Variants in DZIP3 observed in about 807,000 individuals in gnomAD.
The protein encoded by DZIP3 is E3 ubiquitin-protein ligase DZIP3.
A neutral mutation model predicts 162.0 loss-of-function variants in DZIP3; 118 were observed. That is an observed-to-expected ratio of 0.73 (90% CI 0.63 to 0.85). The LOEUF (loss-of-function observed/expected upper bound fraction) is 0.85, where lower values mean the gene tolerates loss of function less well. Among genes scored for constraint, DZIP3 ranks in the 40% least tolerant of loss-of-function variants. The probability of loss-of-function intolerance (pLI) is 0.00; values close to 1 mark genes in which losing one functional copy is unlikely to be tolerated. For synonymous variants in DZIP3, 438 were observed against 458.6 expected (o/e 0.96, Z 0.57); for missense variants, 1,331 against 1,407.0 (o/e 0.95, Z 0.86).
chr3:108,674,229 C>T (rs1944020839), intron 24 of DZIP3, 48 bp downstream of exon 24: 2 of 1,454,436 alleles, frequency 1.4e-6, no homozygotes, highest in East Asian at 4.5e-5. Context: ...GAGATGTTAG[C>T]AAGTGTCTCC....
chr3:108,636,717 C>A lies in DZIP3; in HGVS notation c.1011+9C>A. The A allele has an allele frequency of 1.3e-6, 2 of 1,483,050 alleles. No individual in the cohort carries two copies. The highest frequency in any genetic ancestry group is 1.3e-5 in the South Asian group (1 of 77,846). 91.9% of individuals were successfully genotyped at this position (1,483,050 alleles called of 1,614,324 possible). A position where few individuals can be genotyped will look rare whatever the true frequency, so the allele number is the denominator to read the frequency against. Reference sequence around the variant, plus strand: ...GAATTGTTAAAATTTTGGTGAGTATCTTGTTTTGTCCTTTTTTTTTTTTCT... The same window carrying A: ...GAATTGTTAAAATTTTGGTGAGTATATTGTTTTGTCCTTTTTTTTTTTTCT... On this transcript the variant is annotated intron_variant, in intron 11 of 32. Transcript: ENST00000361582.
intron 32 of DZIP3, among the ~76,000 whole-genome samples, chr3:108,692,027 A>T (rs1428807289): frequency 6.6e-6 from 1 of 152,116 alleles, no homozygotes; most frequent in Non-Finnish European, 1.5e-5. Context: ...TGTCCGCATA[A>T]ATAAGCTCTT....
chr3:108,599,638 C>T (rs1939891711), intron 1 of DZIP3, among the ~76,000 whole-genome samples: 1 of 152,062 alleles, frequency 6.6e-6, no homozygotes, highest in Admixed American at 6.6e-5. Context: ...GTTTGTGTCC[C>T]CCCTCATTCA....
At chr3:108,616,406 A>ATTT in intron 4 of DZIP3, 135 bp from the exon 5 acceptor site, 10 of 440,534 alleles carry the variant, frequency 2.3e-5, no homozygotes, top group East Asian at 9.1e-5. Flanking sequence ...GTTGGTATGG[A>ATTT]TTTTTTTTTT....
At chr3:108,628,147 G>C (rs191666220) in intron 7 of DZIP3, among the ~76,000 whole-genome samples, 2 of 152,294 alleles carry the variant, frequency 1.3e-5, no homozygotes, top group African/African-American at 2.4e-5. Flanking sequence ...AGAGTGCTGG[G>C]ATTACAGGCA....
intron 21 of DZIP3, 58 bp downstream of exon 21, chr3:108,662,315 A>G: frequency 6.6e-7 from 1 of 1,525,594 alleles, no homozygotes; most frequent in South Asian, 1.4e-5. Flanking sequence ...AGTATCTTTA[A>G]TAGTTAATCT....
chr3:108,673,780 A>T (rs1944006541), intron 23 of DZIP3, among the ~76,000 whole-genome samples: 1 of 151,956 alleles, frequency 6.6e-6, no homozygotes, highest in African/African-American at 2.4e-5. Flanking sequence ...AAATTAGAAT[A>T]TCTGGGACCA....
chr3:108,626,233 A>G (rs1428131580), intron 7 of DZIP3, among the ~76,000 whole-genome samples: 1 of 152,228 alleles, frequency 6.6e-6, no homozygotes, highest in African/African-American at 2.4e-5. Context: ...GGGTTCAGCT[A>G]CATTTTTTAT....
intron 28 of DZIP3, among the ~76,000 whole-genome samples, chr3:108,686,944 G>A (rs566785339): frequency 6.6e-6 from 1 of 152,088 alleles, no homozygotes; most frequent in South Asian, 2.1e-4. Context: ...TGCTATATAA[G>A]CCCAAACATC....
At position 108,644,473 on chromosome 3, in the gene DZIP3, A is replaced by C; in HGVS notation, c.1451A>C (p.Lys484Thr). Reference sequence around the variant, plus strand: ...CATTTAAATGTGTTCCCTGCACCCAAAAAAGGATGGAATATGGAACCGCCA... The same window carrying C: ...CATTTAAATGTGTTCCCTGCACCCACAAAAGGATGGAATATGGAACCGCCA... ...IKHLNVFPAP[K>T]KGWNMEPPSS... Residue 484 changes from lysine to threonine, a missense_variant, in exon 14 of 33, where the codon AAA (lysine) becomes ACA (threonine). By Grantham distance (78) the Lys-to-Thr change is moderately conservative. Transcript: ENST00000361582. 1.2e-6 allele frequency: 2 copies of C among 1,614,050 alleles called. No individual in the cohort carries two copies.
At chr3:108,653,503 GTGTGTATATA>G (rs1445263774) in intron 18 of DZIP3, among the ~76,000 whole-genome samples, 2 of 20,032 alleles carry the variant, frequency 1.0e-4, no homozygotes, top group African/African-American at 1.9e-4. Context: ...CATTGTGTGT[GTGTGTATATA>G]TATATATATA....
chr3:108,601,494 TTAG>T (rs1940015219), intron 1 of DZIP3, among the ~76,000 whole-genome samples: 1 of 152,220 alleles, frequency 6.6e-6, no homozygotes, highest in Non-Finnish European at 1.5e-5. Flanking sequence ...TTGTTTTAAG[TTAG>T]TAGCGTGGAG....
chr3:108,653,377 T>G (rs1197884685), intron 18 of DZIP3, among the ~76,000 whole-genome samples: 2 of 151,506 alleles, frequency 1.3e-5, no homozygotes, highest in East Asian at 3.9e-4. Context: ...CTCCTATTCT[T>G]GTTGCCATTC....
rs550278457 is a variant in DZIP3 at position 108,621,448 on chromosome 3, T to C, written c.376-2996T>C. On this transcript the variant is annotated intron_variant, in intron 5 of 32. Transcript: ENST00000361582. ...ATCCTTTGTATTACAACAATCCATT[T>C]ATACTGTTTCTTATTTTAAAATGTA... Among the ~76,000 whole-genome samples the C allele has an allele frequency of 1.2e-4, 19 of 152,346 alleles. 1 individual carries two copies. Among genetic ancestry groups the C allele is most frequent in the Admixed American group, 6.5e-4 (10 of 15,304 alleles).
intron 3 of DZIP3, 27 bp downstream of exon 3, chr3:108,608,185 CTG>C: frequency 6.7e-7 from 1 of 1,499,290 alleles, no homozygotes; most frequent in Non-Finnish European, 9.1e-7. Context: ...TTTTCATTAA[CTG>C]TTAGTTAATT....
At chr3:108,592,065 C>G (rs1283164477) in intron 1 of DZIP3, among the ~76,000 whole-genome samples, 1 of 151,886 alleles carries the variant, frequency 6.6e-6, no homozygotes, top group Non-Finnish European at 1.5e-5. Context: ...TCTTGAAGTC[C>G]GTGGCAATCT....
At chr3:108,615,913 T>C (rs1940977110) in intron 4 of DZIP3, among the ~76,000 whole-genome samples, 1 of 152,232 alleles carries the variant, frequency 6.6e-6, no homozygotes, top group Non-Finnish European at 1.5e-5. Context: ...CATTTTCCTC[T>C]GAAGTAGGTG....
At chr3:108,615,313 CAG>C (rs1940946902) in intron 4 of DZIP3, among the ~76,000 whole-genome samples, 1 of 152,168 alleles carries the variant, frequency 6.6e-6, no homozygotes, top group Non-Finnish European at 1.5e-5. Context: ...GGCTGTTTGA[CAG>C]AGGTGGAACT....
At chr3:108,639,504 C>A (rs1188007841) in intron 12 of DZIP3, among the ~76,000 whole-genome samples, 4 of 152,138 alleles carry the variant, frequency 2.6e-5, no homozygotes, top group Admixed American at 2.6e-4. Context: ...CAGTCAGAGA[C>A]GTTGTGGGAA....
Sources: gnomAD v4.1 joint callset for allele counts (sites outside exome capture counted in the v4.1 genomes callset) on GRCh38, gnomAD v4.1.1 for gene constraint, MANE v1.5 for transcripts, NCBI Gene and HGNC (gene_info 2026-07-23, HGNC 2026-07-21) for gene names.